The following KCNN2 variants were observed in gnomAD, a reference collection of about 807,000 sequenced individuals.
KCNN2 encodes the protein small conductance calcium-activated potassium channel protein 2.
A neutral mutation model predicts 55.5 loss-of-function variants in KCNN2; 24 were observed. That is an observed-to-expected ratio of 0.43 (90% CI 0.31 to 0.61). KCNN2 has a LOEUF of 0.61. Ranked by LOEUF, KCNN2 falls within the 20% of genes least tolerant of loss-of-function variation. The pLI is 0.08. For missense variants in KCNN2, 754 were observed against 853.6 expected (o/e 0.88, Z 1.45); for synonymous variants, 431 against 336.1 (o/e 1.28, Z -3.09).
intron 2 of KCNN2, among the ~76,000 whole-genome samples, chr5:114,295,889 ACCATAAT>A (rs143869005): frequency 0.26 from 39,736 of 151,968 alleles, 5,595 homozygotes; most frequent in African/African-American, 0.38. Flanking sequence ...GAAATAAGCT[ACCATAAT>A]CCTAAAGTAG....
At chr5:114,494,599 T>C (rs1748023099) in intron 7 of KCNN2, among the ~76,000 whole-genome samples, 1 of 152,040 alleles carries the variant, frequency 6.6e-6, no homozygotes, top group Non-Finnish European at 1.5e-5. Context: ...TGGGTATTTT[T>C]ATGAAAAAAT....
upstream of KCNN2, among the ~76,000 whole-genome samples, chr5:114,359,954 C>G (rs927798397): frequency 1.3e-5 from 2 of 152,200 alleles, no homozygotes; most frequent in Non-Finnish European, 2.9e-5. Flanking sequence ...TATGCAGTAT[C>G]TACTCAGCTG....
intron 1 of KCNN2, among the ~76,000 whole-genome samples, chr5:114,126,661 A>G (rs561994952): frequency 2.0e-5 from 3 of 152,220 alleles, no homozygotes; most frequent in South Asian, 4.1e-4. Flanking sequence ...ATGTCCTCAC[A>G]TTTCAAAACC....
intron 2 of KCNN2, among the ~76,000 whole-genome samples, chr5:114,236,657 A>G (rs1197063328): frequency 1.3e-5 from 2 of 152,138 alleles, no homozygotes; most frequent in Admixed American, 6.5e-5. Context: ...ATCCAGGCCA[A>G]TATCATCCCG....
chr5:114,190,088 A>G (rs1463479152), intron 1 of KCNN2, among the ~76,000 whole-genome samples: 3 of 152,174 alleles, frequency 2.0e-5, no homozygotes, highest in Non-Finnish European at 4.4e-5. Context: ...ATCAAAATAT[A>G]AAATATTTGT....
intron 7 of KCNN2, among the ~76,000 whole-genome samples, chr5:114,494,059 A>G (rs530156908): frequency 1.3e-5 from 2 of 152,244 alleles, no homozygotes; most frequent in East Asian, 3.9e-4. Context: ...TACCTTATTT[A>G]TAATATTTAT....
chr5:114,487,102 A>C lies in KCNN2; in HGVS notation c.1943A>C (p.Asn648Thr). The stretch of plus-strand genomic sequence containing the variant: ...AGGGAAACATGGCTAATTTACAAAA[A>C]TACAAAGCTAGTGAAAAAGATAGAT... ...VLRETWLIYK[N>T]TKLVKKIDHA... Residue 648 changes from asparagine to threonine, a missense_variant, in exon 6 of 8, where the codon AAT (asparagine) becomes ACT (threonine). Around this residue, in one of 4 missense-constraint regions of KCNN2, gnomAD observed 86 missense variants for 233.0 expected, o/e 0.37. Transcript: ENST00000673685. 6.2e-7 allele frequency: 1 copy of C among 1,613,158 alleles called. No individual in the cohort carries two copies. Among genetic ancestry groups the C allele is most frequent in the Non-Finnish European group, 8.5e-7 (1 of 1,179,308 alleles).
At chr5:114,457,297 A>C (rs904005452) in intron 3 of KCNN2, among the ~76,000 whole-genome samples, 1 of 152,184 alleles carries the variant, frequency 6.6e-6, no homozygotes, top group Non-Finnish European at 1.5e-5. Context: ...AATCCATAGA[A>C]TTTTTGAGCA....
intron 2 of KCNN2, among the ~76,000 whole-genome samples, chr5:114,331,144 G>A (rs1019915939): frequency 6.6e-5 from 10 of 152,106 alleles, no homozygotes; most frequent in East Asian, 1.9e-4. Flanking sequence ...GAGTATAAGC[G>A]GATCATAAAC....
intron 2 of KCNN2, among the ~76,000 whole-genome samples, chr5:114,227,241 G>A (rs1754255264): frequency 6.6e-6 from 1 of 152,072 alleles, no homozygotes; most frequent in Non-Finnish European, 1.5e-5. Context: ...AAAGAATGAA[G>A]GAATGAGTGA....
intron 4 of KCNN2, among the ~76,000 whole-genome samples, chr5:114,471,206 C>T (rs1440106264): frequency 6.6e-6 from 1 of 152,122 alleles, no homozygotes; most frequent in African/African-American, 2.4e-5. Flanking sequence ...AGTTCCAGAA[C>T]CCCACTTCCT....
At chr5:114,317,337 C>T (rs925945943) in intron 2 of KCNN2, among the ~76,000 whole-genome samples, 1 of 151,856 alleles carries the variant, frequency 6.6e-6, no homozygotes, top group Non-Finnish European at 1.5e-5. Context: ...GTCTTGTTGG[C>T]TTGCCTTTTC....
intron 3 of KCNN2, among the ~76,000 whole-genome samples, chr5:114,437,441 G>T (rs940215891): frequency 6.6e-6 from 1 of 152,076 alleles, no homozygotes; most frequent in African/African-American, 2.4e-5. Context: ...TAATCTAGTA[G>T]GGGAAAAAGC....
At chr5:114,098,846 A>T (rs897070305) in intron 1 of KCNN2, among the ~76,000 whole-genome samples, 2 of 152,090 alleles carry the variant, frequency 1.3e-5, no homozygotes, top group Non-Finnish European at 2.9e-5. Context: ...ATTTGGTTAC[A>T]TACATAGTTT....
At chr5:114,134,496 T>TTTA (rs1328291266) in intron 1 of KCNN2, among the ~76,000 whole-genome samples, 30 of 150,460 alleles carry the variant, frequency 2.0e-4, no homozygotes, top group African/African-American at 7.1e-4. Flanking sequence ...TATTTATTTA[T>TTTA]TTATTTATTT....
intron 1 of KCNN2, among the ~76,000 whole-genome samples, chr5:114,159,444 G>A (rs1752715873): frequency 6.6e-6 from 1 of 152,168 alleles, no homozygotes; most frequent in South Asian, 2.1e-4. Context: ...TGTTCATCAA[G>A]GATATTGGTT....
chr5:114,159,479 CTG>C (rs1467807686), intron 1 of KCNN2, among the ~76,000 whole-genome samples: 1 of 152,068 alleles, frequency 6.6e-6, no homozygotes, highest in Non-Finnish European at 1.5e-5. Context: ...TTGATTGTGT[CTG>C]TGCCAGGCTT....
intron 1 of KCNN2, among the ~76,000 whole-genome samples, chr5:114,093,925 C>A (rs1479361985): frequency 6.6e-6 from 1 of 152,112 alleles, no homozygotes; most frequent in Non-Finnish European, 1.5e-5. Context: ...GATATTCTCA[C>A]CTCAGTTTAT....
intron 1 of KCNN2, among the ~76,000 whole-genome samples, chr5:114,141,309 G>A (rs2112505094): frequency 6.6e-6 from 1 of 152,050 alleles, no homozygotes; most frequent in Non-Finnish European, 1.5e-5. Flanking sequence ...GCCCCGGTGT[G>A]TGATGTTCCC....
Sources: gnomAD v4.1 joint callset for allele counts (sites outside exome capture counted in the v4.1 genomes callset) on GRCh38, gnomAD v4.1.1 for gene constraint, gnomAD v4.1.1 regional missense constraint, MANE v1.5 for transcripts, NCBI Gene and HGNC (gene_info 2026-07-23, HGNC 2026-07-21) for gene names.